Variants in DMXL1 observed in about 807,000 individuals in gnomAD.
DMXL1 encodes the protein Dmx like 1, also known as dmX-like protein 1.
DMXL1 carries 99 observed loss-of-function variants against 319.2 expected under a neutral mutation model. The observed-to-expected ratio is 0.31, with a 90% CI of 0.26 to 0.37. DMXL1 has a LOEUF of 0.37. DMXL1 is among the 10% of genes least tolerant of loss of function. The pLI, the probability that DMXL1 is intolerant of heterozygous loss-of-function variation, is 1.00. For synonymous variants in DMXL1, 1,385 were observed against 1,235.2 expected (o/e 1.12, Z -2.54); for missense variants, 3,745 against 3,595.6 (o/e 1.04, Z -1.06).
chr5:119,143,996 CTATA>C, intron 14 of DMXL1, 66 bp downstream of exon 14: 2 of 1,011,894 alleles, frequency 2.0e-6, no homozygotes, highest in Non-Finnish European at 3.0e-6. Context: ...TGCATAAAAT[CTATA>C]TATTAATGTA....
chr5:119,119,758 G>C (rs578115644), intron 8 of DMXL1, among the ~76,000 whole-genome samples: 1 of 152,178 alleles, frequency 6.6e-6, no homozygotes, highest in African/African-American at 2.4e-5. Flanking sequence ...TGATCTACCT[G>C]CCTCGGCCTC....
chr5:119,224,099 A>G (rs1247327525), intron 37 of DMXL1, among the ~76,000 whole-genome samples: 1 of 152,048 alleles, frequency 6.6e-6, no homozygotes, highest in Non-Finnish European at 1.5e-5. Context: ...CACCTTCTCC[A>G]CAACTTTAGG....
In DMXL1 at chr5:119,241,100, G is replaced by A. The variant is rs115766045; in HGVS notation, c.8704+629G>A. Among the ~76,000 whole-genome samples the A allele has an allele frequency of 4.2e-3, 632 of 152,106 alleles. 5 individuals are homozygous for A. The highest frequency in any genetic ancestry group is 0.015 in the African/African-American group (615 of 41,494). On this transcript the variant is annotated intron_variant, in intron 42 of 43. Transcript: ENST00000539542. ...TACTGGATACCTTATTATTAATATAGTCAATTAACACATATTTTGTATATG... is the reference window on the plus strand; with the variant it reads ...TACTGGATACCTTATTATTAATATAATCAATTAACACATATTTTGTATATG...
At position 119,150,368 on chromosome 5, in the gene DMXL1, A is replaced by G; in HGVS notation, c.4541A>G (p.Asp1514Gly). The G allele has an allele frequency of 6.2e-7, 1 of 1,613,686 alleles. No homozygotes were observed. Among genetic ancestry groups the G allele is most frequent in the Non-Finnish European group, 8.5e-7 (1 of 1,179,776 alleles). The change falls in exon 18 of 44, where the codon GAT (aspartate) becomes GGT (glycine). Residue 1514 changes from aspartate (D) to glycine (G), a missense_variant. Transcript: ENST00000539542. ...MEQMSLMALADTIATTSTDIG... is the reference protein window; with the variant it reads ...MEQMSLMALAGTIATTSTDIG... ...CAGATGTCTTTGATGGCCTTAGCAG[A>G]TACAATTGCAACTACAAGCACTGAT...
At chr5:119,135,105 A>T (rs1381616736) in intron 13 of DMXL1, among the ~76,000 whole-genome samples, 1 of 152,186 alleles carries the variant, frequency 6.6e-6, no homozygotes, top group Non-Finnish European at 1.5e-5. Flanking sequence ...GTTAATTTTA[A>T]TGCATAATTT....
intron 1 of DMXL1, among the ~76,000 whole-genome samples, chr5:119,090,157 A>C (rs1754436459): frequency 6.7e-6 from 1 of 149,586 alleles, no homozygotes; most frequent in Non-Finnish European, 1.5e-5. Flanking sequence ...AGTAGCTGGG[A>C]TTATAGGCGC....
In DMXL1 at chr5:119,133,373, T is replaced by C. The variant is rs1246874982; in HGVS notation, c.1557T>C (p.Phe519=). 1 of 1,612,238 alleles carries C rather than the reference T, an allele frequency of 6.2e-7. No homozygotes were observed. The highest frequency in any genetic ancestry group is 8.5e-7 in the Non-Finnish European group (1 of 1,178,442). ...TGGATGAATACCAGCCTGGTATGTTTCGTCAAGTACAGGTACTACTGTTAT... is the reference window on the plus strand; with the variant it reads ...TGGATGAATACCAGCCTGGTATGTTCCGTCAAGTACAGGTACTACTGTTAT... ...DWLDEYQPGM[F]RQVQVSFVSR... is the part of the protein sequence containing the mutation. The change falls in exon 11 of 44, where the codon TTT becomes TTC. Residue 519 remains phenylalanine (F), a synonymous_variant. Transcript: ENST00000539542.
In DMXL1 at chr5:119,193,896, T is replaced by C; in HGVS notation, c.7383T>C (p.Asp2461=). 6.2e-7 allele frequency: 1 copy of C among 1,612,698 alleles called. No homozygotes were observed. Among genetic ancestry groups the C allele is most frequent in the East Asian group, 2.2e-5 (1 of 44,734 alleles). The part of the protein sequence containing the change: ...DSEESLGSDD[D]DNDDDDDVLA... Reference sequence around the variant, plus strand: ...AGGAGAGTCTGGGAAGTGATGATGATGACAATGATGATGATGATGATGTTT... The same window carrying C: ...AGGAGAGTCTGGGAAGTGATGATGACGACAATGATGATGATGATGATGTTT... The change falls in exon 30 of 44, where the codon GAT becomes GAC. Residue 2461 remains aspartate (D), a synonymous_variant. Transcript: ENST00000539542.
chr5:119,072,717 G>A (rs1472528827), intron 1 of DMXL1, among the ~76,000 whole-genome samples: 1 of 152,146 alleles, frequency 6.6e-6, no homozygotes, highest in African/African-American at 2.4e-5. Flanking sequence ...GGCATTTAAT[G>A]CCTGAATTGT....
chr5:119,193,741 T>G, intron 29 of DMXL1, 87 bp from the exon 30 acceptor site: 1,582 of 1,264,536 alleles, frequency 1.3e-3, no homozygotes, highest in Non-Finnish European at 1.6e-3. Flanking sequence ...TATCTGCAAA[T>G]GAGATGAATT....
Position 119,193,904 on chromosome 5 carries a change from A to G in DMXL1, c.7391A>G (p.Asp2464Gly), listed in dbSNP as rs775189044. Residue 2464 changes from aspartate to glycine, a missense_variant, in exon 30 of 44, where the codon GAT (aspartate) becomes GGT (glycine). By Grantham distance (94) the Asp-to-Gly change is moderately conservative. Coordinates refer to ENST00000539542, the MANE Select transcript of DMXL1 (RefSeq NM_001290321.3). ...CTGGGAAGTGATGATGATGACAATG[A>G]TGATGATGATGATGTTTTAGCATCA... ...ESLGSDDDDN[D>G]DDDDVLASDF... 1.9e-6 allele frequency: 3 copies of G among 1,612,170 alleles called. No individual in the cohort carries two copies. In the East Asian group the frequency reaches 6.7e-5, roughly 36 times the overall value.
chr5:119,151,887 A>AT (rs201870724), intron 18 of DMXL1, 42 bp from the exon 19 acceptor site: 6,705 of 1,232,532 alleles, frequency 5.4e-3, no homozygotes, highest in Non-Finnish European at 6.0e-3. Context: ...TTTGCTTACA[A>AT]TTTTTTTTTT....
At chr5:119,082,768 G>A (rs1220090046) in intron 1 of DMXL1, among the ~76,000 whole-genome samples, 5 of 152,200 alleles carry the variant, frequency 3.3e-5, no homozygotes, top group East Asian at 1.9e-4. Context: ...ATAGATTATT[G>A]TAAACTACAT....
At chr5:119,173,668 A>ATGGATGTGTG (rs1775063115) in intron 25 of DMXL1, among the ~76,000 whole-genome samples, 1 of 100,466 alleles carries the variant, frequency 1.0e-5, no homozygotes, top group Non-Finnish European at 2.2e-5. Context: ...AATCAGTAGG[A>ATGGATGTGTG]TGTATGTGTG....
At chr5:119,202,880 TA>T (rs1447959709) in intron 32 of DMXL1, among the ~76,000 whole-genome samples, 4,392 of 111,714 alleles carry the variant, frequency 0.039, 113 homozygotes, top group South Asian at 0.092. Context: ...TATATATATA[TA>T]TTTTTATATA....
chr5:119,202,891 A>ATTTT (rs1554139482), intron 32 of DMXL1, among the ~76,000 whole-genome samples: 2 of 139,946 alleles, frequency 1.4e-5, no homozygotes, highest in African/African-American at 5.5e-5. Flanking sequence ...ATTTTTATAT[A>ATTTT]TATATATATA....
chr5:119,133,085 A>G (rs1376700465), intron 10 of DMXL1, 47 bp from the exon 11 acceptor site: 1 of 1,599,394 alleles, frequency 6.3e-7, no homozygotes, highest in Non-Finnish European at 8.5e-7. Context: ...AATTTATAGT[A>G]ATAACCTGTT....
intron 23 of DMXL1, 45 bp from the exon 24 acceptor site, chr5:119,170,145 A>G (rs764220749): frequency 7.2e-6 from 11 of 1,532,596 alleles, no homozygotes; most frequent in Admixed American, 2.1e-5. Flanking sequence ...ATAGAAACAC[A>G]CAGTTCATAA....
At chr5:119,198,172 A>G (rs1322454098) in intron 32 of DMXL1, among the ~76,000 whole-genome samples, 1 of 152,002 alleles carries the variant, frequency 6.6e-6, no homozygotes, top group Non-Finnish European at 1.5e-5. Flanking sequence ...TATTTTTAGT[A>G]GAGATGGGGT....
Sources: allele counts gnomAD v4.1 joint callset (sites outside exome capture counted in the v4.1 genomes callset), GRCh38; gene constraint gnomAD v4.1.1; transcripts MANE v1.5; gene names NCBI Gene and HGNC (gene_info 2026-07-23, HGNC 2026-07-21).